Variants in PIK3C2A observed in about 807,000 individuals in gnomAD.
PIK3C2A encodes phosphatidylinositol-4-phosphate 3-kinase catalytic subunit type 2 alpha.
Under a neutral mutation model 204.5 loss-of-function variants are expected in PIK3C2A, and 97 were observed. That is an observed-to-expected ratio of 0.47 (90% CI 0.40 to 0.56). The LOEUF is 0.56. Among genes scored for constraint, PIK3C2A ranks in the 20% least tolerant of loss-of-function variants. The pLI is 0.00. For missense variants in PIK3C2A, 1,735 were observed against 1,969.2 expected, an observed-to-expected ratio of 0.88 and a Z score of 2.25; for synonymous variants, 653 against 664.4, an observed-to-expected ratio of 0.98 and a Z score of 0.26.
At chr11:17,153,076 T>C (rs887191790) in intron 3 of PIK3C2A, among the ~76,000 whole-genome samples, 2 of 152,188 alleles carry the variant, frequency 1.3e-5, no homozygotes, top group South Asian at 2.1e-4. Context: ...TGGTTTCTCA[T>C]CTTATCCTAA....
chr11:17,114,200 A>G (rs1010331959), intron 20 of PIK3C2A, among the ~76,000 whole-genome samples, 161 bp downstream of exon 20: 4 of 152,150 alleles, frequency 2.6e-5, no homozygotes, highest in African/African-American at 9.6e-5. Flanking sequence ...GGTTAGGTAA[A>G]AAAATATGCT....
chr11:17,112,854 T>C (rs935601417), intron 20 of PIK3C2A, among the ~76,000 whole-genome samples, 188 bp from the exon 21 acceptor site: 5 of 151,200 alleles, frequency 3.3e-5, no homozygotes, highest in East Asian at 1.9e-4. Context: ...GATGCAACCA[T>C]AGCTTCCCAC....
At chr11:17,178,378 G>A (rs1277584567) in intron 1 of PIK3C2A, among the ~76,000 whole-genome samples, 1 of 151,960 alleles carries the variant, frequency 6.6e-6, no homozygotes, top group Non-Finnish European at 1.5e-5. Flanking sequence ...TATGAAGAGA[G>A]AAACAGGAAC....
intron 13 of PIK3C2A, among the ~76,000 whole-genome samples, chr11:17,125,722 T>C (rs1408575713): frequency 2.0e-5 from 3 of 152,142 alleles, no homozygotes; most frequent in African/African-American, 7.2e-5. Context: ...TTTCGCCATA[T>C]TGGCCAGAGT....
Position 17,112,606 on chromosome 11 carries a change from G to A in PIK3C2A, c.3382C>T (p.Pro1128Ser), listed in dbSNP as rs754640159. 1.3e-6 allele frequency: 2 copies of A among 1,556,654 alleles called. No individual in the cohort carries two copies. Among genetic ancestry groups the A allele is most frequent in the Non-Finnish European group, 1.7e-6 (2 of 1,143,774 alleles). ...PLKVTMVNAD[P>S]MGEEINVMFK... ...ATGACATTAATTTCTTCTCCCATAG[G>A]GTCAGCATTCACCATTGTGACTTTT... The change falls in exon 21 of 33, where the codon CCT becomes TCT. Residue 1128 changes from proline to serine, a missense_variant. Transcript: ENST00000691414.
chr11:17,184,641 G>A (rs662711), intron 1 of PIK3C2A, among the ~76,000 whole-genome samples: 88,021 of 151,980 alleles, frequency 0.58, 25,832 homozygotes, highest in East Asian at 0.82. Context: ...TTATTACTAA[G>A]GAAAGAAAAA....
rs756287831 is a variant in PIK3C2A, at chr11:17,102,781, A to G, written c.3732T>C (p.Tyr1244=). The change falls in exon 24 of 33, where the codon TAT becomes TAC. Residue 1244 remains tyrosine, a synonymous_variant. Transcript: ENST00000691414. ...TGTGTCGATCACAGATGCCTAAAAC[A>G]TAGGTGGCTACACAGCATCCAGCAC... is the stretch of plus-strand genomic sequence containing the variant. The part of the protein sequence containing the change: ...YSCAGCCVAT[Y]VLGICDRHND... 21 of 1,612,368 alleles carry G rather than the reference A, an allele frequency of 1.3e-5. No individual in the cohort carries two copies. Among genetic ancestry groups the G allele is most frequent in the African/African-American group, 4.0e-5 (3 of 74,890 alleles).
intron 1 of PIK3C2A, among the ~76,000 whole-genome samples, chr11:17,170,371 T>C (rs574506323): frequency 1.3e-5 from 2 of 152,196 alleles, no homozygotes; most frequent in Non-Finnish European, 2.9e-5. Flanking sequence ...ATATTAAAAA[T>C]GTATAATGTA....
At chr11:17,195,440 C>T (rs1051172743) in intron 1 of PIK3C2A, among the ~76,000 whole-genome samples, 1 of 151,806 alleles carries the variant, frequency 6.6e-6, no homozygotes, top group African/African-American at 2.4e-5. Flanking sequence ...AGAAACATGG[C>T]CAGGTGCAGT....
In PIK3C2A at chr11:17,145,956, T is replaced by C. The variant is rs1175499211; in HGVS notation, c.1561-14A>G. 3 of 1,596,030 alleles carry C rather than the reference T, an allele frequency of 1.9e-6. No homozygotes were observed. On this transcript the variant is annotated splice_polypyrimidine_tract_variant and intron_variant, in intron 6 of 32. Coordinates refer to ENST00000691414, the MANE Select transcript of PIK3C2A (RefSeq NM_002645.4). ...ATCATCTTCTGCCTAAACAAACACA[T>C]ATACACAAAAAAATCACATCCACTC...
intron 1 of PIK3C2A, among the ~76,000 whole-genome samples, chr11:17,178,612 G>T (rs1851418242): frequency 6.6e-6 from 1 of 151,896 alleles, no homozygotes; most frequent in Non-Finnish European, 1.5e-5. Flanking sequence ...GCCCAGGCTG[G>T]AGTGCAGTGG....
At chr11:17,107,797 T>C (rs1038413466) in intron 22 of PIK3C2A, among the ~76,000 whole-genome samples, 2 of 152,222 alleles carry the variant, frequency 1.3e-5, no homozygotes, top group Admixed American at 6.5e-5. Context: ...GGTACCCCGA[T>C]AGAAAGTATG....
intron 9 of PIK3C2A, among the ~76,000 whole-genome samples, chr11:17,135,999 C>T (rs1180238956): frequency 1.3e-5 from 2 of 152,048 alleles, no homozygotes; most frequent in East Asian, 3.9e-4. Flanking sequence ...TTAAAAGCAA[C>T]AGTATAATCT....
rs57524476 is a variant in PIK3C2A at position 17,181,693 on chromosome 11, CAA to C, written c.-65-11889_-65-11888del. ...ACACACACACACACACACACACACA[CAA>C]ACACACACACACGATTTGATTCATA... On this transcript the variant is annotated intron_variant, in intron 1 of 32. Coordinates refer to ENST00000691414, the MANE Select transcript of PIK3C2A (RefSeq NM_002645.4). Among the ~76,000 whole-genome samples, 80 of 119,730 alleles carry C rather than the reference CAA, an allele frequency of 6.7e-4. 1 individual carries two copies. The highest frequency in any genetic ancestry group is 4.3e-3 in the Middle Eastern group (1 of 232). The allele number at this position is 119,730 out of a possible 152,430, so 78.5% of individuals were successfully genotyped here.
intron 3 of PIK3C2A, among the ~76,000 whole-genome samples, chr11:17,154,343 T>C (rs1850516871): frequency 6.6e-6 from 1 of 152,110 alleles, no homozygotes; most frequent in Non-Finnish European, 1.5e-5. Flanking sequence ...AGAAAAGAAA[T>C]GCTGGTTAAA....
intron 9 of PIK3C2A, 91 bp from the exon 10 acceptor site, chr11:17,135,250 G>A (rs919704033): frequency 1.6e-6 from 2 of 1,251,242 alleles, no homozygotes; most frequent in African/African-American, 3.0e-5. Flanking sequence ...CTCTTTCCAG[G>A]GGAAACCTCC....
chr11:17,182,567 C>CA (rs11453658), intron 1 of PIK3C2A, among the ~76,000 whole-genome samples: 31,253 of 91,574 alleles, frequency 0.34, 4,618 homozygotes, highest in East Asian at 0.52. Flanking sequence ...GACCCTGTCT[C>CA]AAAAAAAAAA....
intron 1 of PIK3C2A, among the ~76,000 whole-genome samples, chr11:17,180,856 T>C (rs551153646): frequency 2.1e-4 from 32 of 152,336 alleles, no homozygotes; most frequent in Non-Finnish European, 4.1e-4. Context: ...TGTACTGTTT[T>C]GGACTTGCCT....
At chr11:17,130,806 C>CAAAAAAA (rs1224352745) in intron 12 of PIK3C2A, among the ~76,000 whole-genome samples, 4 of 54,562 alleles carry the variant, frequency 7.3e-5, no homozygotes, top group South Asian at 5.3e-4. Context: ...GACTCCATCT[C>CAAAAAAA]AAAAAAAAAA....
Sources: allele counts gnomAD v4.1 joint callset (sites outside exome capture counted in the v4.1 genomes callset), GRCh38; gene constraint gnomAD v4.1.1; transcripts MANE v1.5; gene names NCBI Gene and HGNC (gene_info 2026-07-23, HGNC 2026-07-21).